Variants in SGCD observed in about 807,000 individuals in gnomAD.
SGCD encodes the protein delta-sarcoglycan.
Under a neutral mutation model 36.6 loss-of-function variants are expected in SGCD, and 18 were observed. The observed-to-expected ratio is 0.49, with a 90% CI of 0.34 to 0.73. The LOEUF (loss-of-function observed/expected upper bound fraction) is 0.73, where lower values mean the gene tolerates loss of function less well. Among genes scored for constraint, SGCD ranks in the 30% least tolerant of loss-of-function variants. The pLI is 0.01. For synonymous variants in SGCD, 133 were observed against 130.6 expected, an observed-to-expected ratio of 1.02 and a Z score of -0.12; for missense variants, 387 against 346.7, an observed-to-expected ratio of 1.12 and a Z score of -0.92.
intron 4 of SGCD, among the ~76,000 whole-genome samples, chr5:156,556,824 C>T (rs1018525577): frequency 6.6e-6 from 1 of 152,130 alleles, no homozygotes; most frequent in African/African-American, 2.4e-5. Context: ...TTCATAGTCT[C>T]AGAAAAAATA....
chr5:156,339,784 T>C (rs1056128674), intron 2 of SGCD, among the ~76,000 whole-genome samples: 1 of 152,166 alleles, frequency 6.6e-6, no homozygotes, highest in African/African-American at 2.4e-5. Context: ...GTTAACAACA[T>C]GAATATATAC....
intron 7 of SGCD, among the ~76,000 whole-genome samples, chr5:156,667,285 G>A (rs1468650391): frequency 6.6e-6 from 1 of 152,194 alleles, no homozygotes; most frequent in African/African-American, 2.4e-5. Flanking sequence ...ACAAGGAGGA[G>A]TGTATATTGA....
At chr5:155,902,910 T>C (rs1484420661) in intron 1 of SGCD, among the ~76,000 whole-genome samples, 1 of 152,224 alleles carries the variant, frequency 6.6e-6, no homozygotes, top group Non-Finnish European at 1.5e-5. Flanking sequence ...TGTTGGTCCA[T>C]TTGCTAGGAC....
rs560746587 is a variant in SGCD, at chr5:156,728,567, T to C, written c.576-29014T>C. Among the ~76,000 whole-genome samples the C allele has an allele frequency of 3.7e-5, 5 of 136,286 alleles. No homozygotes were observed. In the East Asian group the frequency reaches 1.1e-3, roughly 30 times the overall value. 89.4% of individuals were successfully genotyped at this position (136,286 alleles called of 152,430 possible). A position where few individuals can be genotyped will look rare whatever the true frequency, so the allele number is the denominator to read the frequency against. ...AGTCACTGCACATGCTTAGAACTGA[T>C]AGAAGCTTGATTCTTTTTTATCAGC... is the stretch of plus-strand genomic sequence containing the variant. On this transcript the variant is annotated intron_variant, in intron 7 of 8. Transcript: ENST00000337851.
At chr5:156,725,234 T>C (rs1755713065) in intron 7 of SGCD, among the ~76,000 whole-genome samples, 1 of 152,208 alleles carries the variant, frequency 6.6e-6, no homozygotes, top group African/African-American at 2.4e-5. Context: ...TAAGAATGAC[T>C]TACACTGTCT....
intron 6 of SGCD, among the ~76,000 whole-genome samples, chr5:156,644,926 A>ATT (rs11296311): frequency 4.8e-5 from 7 of 146,358 alleles, no homozygotes; most frequent in Non-Finnish European, 1.1e-4. Flanking sequence ...TGCATTTGAG[A>ATT]TTTTTTTTTT....
At chr5:155,862,426 A>G in the SGCD span, among the ~76,000 whole-genome samples, 1,743 of 152,276 alleles carry the variant, frequency 0.011, 14 homozygotes, top group Non-Finnish European at 0.018. Flanking sequence ...ACTAAGGCTC[A>G]AGAAATCCTC....
intron 6 of SGCD, among the ~76,000 whole-genome samples, chr5:156,630,824 G>A (rs1581289417): frequency 2.0e-5 from 3 of 152,130 alleles, no homozygotes; most frequent in South Asian, 2.1e-4. Flanking sequence ...GGCTCTGGAC[G>A]AATTGGGAGA....
chr5:156,461,557 T>G (rs1754490461), intron 3 of SGCD, among the ~76,000 whole-genome samples: 1 of 152,144 alleles, frequency 6.6e-6, no homozygotes, highest in African/African-American at 2.4e-5. Flanking sequence ...TAAATTAGTT[T>G]TCATATATAA....
chr5:156,763,962 T>C lies in SGCD; in HGVS notation c.*4572T>C, dbSNP rs529900710. The C allele has an allele frequency of 6.6e-6, 1 of 152,204 alleles. No individual in the cohort carries two copies. Among genetic ancestry groups the C allele is most frequent in the East Asian group, 1.9e-4 (1 of 5,188 alleles). 9.4% of individuals were successfully genotyped at this position (152,204 alleles called of 1,614,324 possible). ...ATGAAGTTTGGACCAAAAAGGTAAA[T>C]AGATCCATTCCAGCACCTGATACTG... On this transcript the variant is annotated 3_prime_UTR_variant, in exon 9 of 9. Transcript: ENST00000337851.
At chr5:156,407,719 A>G (rs1242046824) in intron 3 of SGCD, among the ~76,000 whole-genome samples, 1 of 152,190 alleles carries the variant, frequency 6.6e-6, no homozygotes, top group Non-Finnish European at 1.5e-5. Context: ...ATACCACACA[A>G]AGTGGGGGAA....
At chr5:156,397,826 C>T (rs925583958) in intron 3 of SGCD, among the ~76,000 whole-genome samples, 2 of 152,088 alleles carry the variant, frequency 1.3e-5, no homozygotes, top group African/African-American at 2.4e-5. Flanking sequence ...TGATTTTTGA[C>T]AGCTCCCAAC....
chr5:155,914,426 G>A (rs895613849), intron 1 of SGCD, among the ~76,000 whole-genome samples: 4 of 152,170 alleles, frequency 2.6e-5, no homozygotes, highest in African/African-American at 4.8e-5. Flanking sequence ...TCTAGATGGC[G>A]TTGAGATATG....
At chr5:156,016,395 A>G (rs1758978777) in intron 1 of SGCD, among the ~76,000 whole-genome samples, 1 of 152,250 alleles carries the variant, frequency 6.6e-6, no homozygotes, top group African/African-American at 2.4e-5. Flanking sequence ...TGCTGATTTA[A>G]TTTAAATAAT....
chr5:156,151,444 G>A (rs536532965), intron 3 of SGCD, among the ~76,000 whole-genome samples: 1 of 151,706 alleles, frequency 6.6e-6, no homozygotes, highest in South Asian at 2.1e-4. Context: ...ATTTTCTTTA[G>A]AAATGTGTAG....
intron 1 of SGCD, among the ~76,000 whole-genome samples, chr5:155,970,614 C>T (rs1188198038): frequency 1.3e-5 from 2 of 152,022 alleles, no homozygotes; most frequent in Non-Finnish European, 2.9e-5. Context: ...ATGGGAAATG[C>T]TAATTATATA....
chr5:156,589,124 T>C (rs749524999), intron 4 of SGCD, 107 bp from the exon 5 acceptor site: 2 of 729,122 alleles, frequency 2.7e-6, no homozygotes, highest in Non-Finnish European at 2.3e-6. Flanking sequence ...GACACATTGA[T>C]TGGAACTTGG....
At chr5:156,587,255 C>G (rs1760533985) in intron 4 of SGCD, among the ~76,000 whole-genome samples, 1 of 152,168 alleles carries the variant, frequency 6.6e-6, no homozygotes, top group South Asian at 2.1e-4. Context: ...TCCAGCCACG[C>G]TAAGAGTTCA....
intron 3 of SGCD, among the ~76,000 whole-genome samples, chr5:156,380,217 C>G (rs1770904357): frequency 6.6e-6 from 1 of 152,192 alleles, no homozygotes; most frequent in Admixed American, 6.5e-5. Context: ...CCCTCTGGGT[C>G]TCAGAGAATT....
Sources: allele counts gnomAD v4.1 joint callset (sites outside exome capture counted in the v4.1 genomes callset), GRCh38; gene constraint gnomAD v4.1.1; transcripts MANE v1.5; gene names NCBI Gene and HGNC (gene_info 2026-07-23, HGNC 2026-07-21).